Variants in TAFA5 observed in about 807,000 individuals in gnomAD.
TAFA5 encodes the protein TAFA chemokine like family member 5.
In TAFA5, 6 loss-of-function variants were observed where a neutral mutation model predicts 15.3. That is an observed-to-expected ratio of 0.39 (90% CI 0.21 to 0.77). The LOEUF (loss-of-function observed/expected upper bound fraction) is 0.77, where lower values mean the gene tolerates loss of function less well. Among genes scored for constraint, TAFA5 ranks in the 30% least tolerant of loss-of-function variants. The pLI is 0.41. For synonymous variants in TAFA5, 103 were observed against 80.7 expected (o/e 1.28, Z -1.48); for missense variants, 161 against 193.1 (o/e 0.83, Z 0.98).
At chr22:48,666,514 T>TTACTGAGGCCCGTGACCAGGCGA (rs751599252) in intron 2 of TAFA5, among the ~76,000 whole-genome samples, 5 of 148,460 alleles carry the variant, frequency 3.4e-5, no homozygotes, top group East Asian at 2.0e-4. Flanking sequence ...TGACCAGGCG[T>TTACTGAGGCCCGTGACCAGGCGA]TACTGAGGCC....
intron 1 of TAFA5, among the ~76,000 whole-genome samples, chr22:48,536,512 C>G (rs189060059): frequency 3.5e-4 from 54 of 152,334 alleles, no homozygotes; most frequent in African/African-American, 1.3e-3. Flanking sequence ...CCGTGGCTGA[C>G]GAGTTGTCAG....
chr22:48,607,691 C>T (rs543666006), intron 1 of TAFA5, among the ~76,000 whole-genome samples: 12 of 152,174 alleles, frequency 7.9e-5, no homozygotes, highest in Non-Finnish European at 1.8e-4. Context: ...GCCCACCCAT[C>T]CCTGTTGCCT....
chr22:48,493,243 G>A (rs1240975152), intron 1 of TAFA5, among the ~76,000 whole-genome samples: 1 of 152,226 alleles, frequency 6.6e-6, no homozygotes, highest in Non-Finnish European at 1.5e-5. Context: ...CTATATTTCA[G>A]CGTACCAGGG....
At chr22:48,673,334 G>T (rs1032465373) in intron 2 of TAFA5, among the ~76,000 whole-genome samples, 7 of 152,142 alleles carry the variant, frequency 4.6e-5, no homozygotes, top group African/African-American at 1.7e-4. Flanking sequence ...TTCCTCTGGG[G>T]TCAGTTTTCA....
intron 2 of TAFA5, among the ~76,000 whole-genome samples, chr22:48,663,415 G>A (rs536737979): frequency 2.2e-4 from 34 of 152,212 alleles, no homozygotes; most frequent in East Asian, 5.8e-4. Flanking sequence ...GAGGGGAGAC[G>A]CAACTGTAGG....
intron 2 of TAFA5, among the ~76,000 whole-genome samples, chr22:48,692,506 C>T (rs1928574265): frequency 6.6e-6 from 1 of 152,198 alleles, no homozygotes; most frequent in Non-Finnish European, 1.5e-5. Context: ...TCAAGTGATC[C>T]TCCTGCCTGG....
intron 3 of TAFA5, among the ~76,000 whole-genome samples, chr22:48,708,119 C>T (rs962491361): frequency 1.1e-4 from 17 of 152,202 alleles, no homozygotes; most frequent in African/African-American, 3.9e-4. Context: ...GATCACTGAC[C>T]AGGTCTCGAA....
At chr22:48,663,867 G>A (rs542131939) in intron 2 of TAFA5, among the ~76,000 whole-genome samples, 23 of 152,256 alleles carry the variant, frequency 1.5e-4, no homozygotes, top group African/African-American at 5.5e-4. Context: ...TCTTAATAAT[G>A]GCCCCAAAGT....
At chr22:48,554,626 T>TTA (rs1489767155) in intron 1 of TAFA5, among the ~76,000 whole-genome samples, 2 of 152,194 alleles carry the variant, frequency 1.3e-5, no homozygotes, top group Non-Finnish European at 2.9e-5. Flanking sequence ...CATCAGGTTA[T>TTA]TACAGCCATT....
At chr22:48,502,823 C>T (rs1920960541) in intron 1 of TAFA5, among the ~76,000 whole-genome samples, 1 of 152,180 alleles carries the variant, frequency 6.6e-6, no homozygotes, top group Admixed American at 6.5e-5. Flanking sequence ...CCGCACCTGG[C>T]CAAGAGTGGC....
intron 1 of TAFA5, among the ~76,000 whole-genome samples, chr22:48,491,219 C>T (rs973456178): frequency 3.3e-5 from 5 of 152,136 alleles, no homozygotes; most frequent in Admixed American, 2.0e-4. Context: ...CCGAGTTTTC[C>T]GCGGCCGTCA....
intron 2 of TAFA5, among the ~76,000 whole-genome samples, chr22:48,667,457 T>G (rs1478539609): frequency 6.6e-6 from 1 of 151,646 alleles, no homozygotes; most frequent in Non-Finnish European, 1.5e-5. Flanking sequence ...TATCAATATT[T>G]GCAGTCTTAT....
At chr22:48,601,743 G>A (rs1924981523) in intron 1 of TAFA5, among the ~76,000 whole-genome samples, 1 of 152,176 alleles carries the variant, frequency 6.6e-6, no homozygotes, top group Non-Finnish European at 1.5e-5. Context: ...AGGTATGTGT[G>A]TTCTGCCTAA....
chr22:48,613,821 G>A (rs978620481), intron 1 of TAFA5, among the ~76,000 whole-genome samples: 2 of 152,164 alleles, frequency 1.3e-5, no homozygotes, highest in Non-Finnish European at 2.9e-5. Context: ...TGGCCCCCTC[G>A]AGCTCCTGGT....
chr22:48,618,676 G>A (rs1157370169), intron 1 of TAFA5, among the ~76,000 whole-genome samples: 2 of 152,248 alleles, frequency 1.3e-5, no homozygotes, highest in Non-Finnish European at 2.9e-5. Flanking sequence ...AGTGTGCACA[G>A]CGGGCCCTTG....
rs1921764058 is a variant in TAFA5, at chr22:48,525,843, G to A, written c.112+36139G>A. ...CCATCTGTGGACGAGGCATCCTGAG[G>A]TCGCCCCTGCAGAGGCGTGGAGATG... On this transcript the variant is annotated intron_variant, in intron 1 of 3. Coordinates refer to ENST00000402357, the MANE Select transcript of TAFA5 (RefSeq NM_001082967.3). Among the ~76,000 whole-genome samples, 5 of 152,262 alleles carry A rather than the reference G, an allele frequency of 3.3e-5. 1 individual carries two copies. In the South Asian group the frequency reaches 1.0e-3, roughly 32 times the overall value.
At chr22:48,672,067 G>T (rs941630405) in intron 2 of TAFA5, among the ~76,000 whole-genome samples, 1 of 152,224 alleles carries the variant, frequency 6.6e-6, no homozygotes, top group African/African-American at 2.4e-5. Flanking sequence ...ATTTCTGTAA[G>T]TGATTGAGAT....
chr22:48,492,708 C>T (rs565135213), intron 1 of TAFA5, among the ~76,000 whole-genome samples: 16 of 152,284 alleles, frequency 1.1e-4, no homozygotes, highest in South Asian at 2.1e-4. Flanking sequence ...AATGCATGCT[C>T]GGTGGTCTGC....
At chr22:48,681,253 C>T (rs1415170294) in intron 2 of TAFA5, among the ~76,000 whole-genome samples, 1 of 152,100 alleles carries the variant, frequency 6.6e-6, no homozygotes, top group African/African-American at 2.4e-5. Flanking sequence ...GAGTTTCCCC[C>T]CAATTAGGAG....
Sources: gnomAD v4.1 joint callset for allele counts (sites outside exome capture counted in the v4.1 genomes callset) on GRCh38, gnomAD v4.1.1 for gene constraint, MANE v1.5 for transcripts, NCBI Gene and HGNC (gene_info 2026-07-23, HGNC 2026-07-21) for gene names.